RNASE11: variants seen among roughly 807,000 people sequenced by gnomAD.
RNASE11 encodes the protein putative inactive ribonuclease 11.
For missense variants in RNASE11, 252 were observed against 237.8 expected (o/e 1.06, Z -0.39); for synonymous variants, 105 against 86.1 (o/e 1.22, Z -1.21).
chr14:20,583,964 A>T (rs1884368843), exon 2 of RNASE11: 4 of 1,614,050 alleles, frequency 2.5e-6, no homozygotes, highest in African/African-American at 1.3e-5. Context: ...ACACTATGGT[A>T]TTGGCACCTG....
upstream of RNASE11, chr14:20,590,046 G>A (rs1884533213): frequency 2.6e-6 from 2 of 758,384 alleles, no homozygotes; most frequent in Admixed American, 3.2e-5. Flanking sequence ...TAGAGATAAG[G>A]GACAAAAAAT....
chr14:20,587,537 CA>C, intron 1 of RNASE11, 25 bp downstream of exon 2: 1 of 984,430 alleles, frequency 1.0e-6, no homozygotes, highest in Non-Finnish European at 1.2e-6. Context: ...CAAGGCCCAA[CA>C]AATCATGTGC....
chr14:20,590,206 C>T (rs1029345342), upstream of RNASE11: 6 of 1,569,246 alleles, frequency 3.8e-6, no homozygotes, highest in South Asian at 3.6e-5. Flanking sequence ...GTCCACGGTC[C>T]AGGTCTGCCT....
At chr14:20,587,737 A>C (rs988580839), upstream of RNASE11, 1 of 985,278 alleles carries the variant, frequency 1.0e-6, no homozygotes, top group Non-Finnish European at 1.2e-6. Context: ...AGCGTTGCCT[A>C]CTCACAAGGT....
chr14:20,589,707 A>G (rs1179416443), upstream of RNASE11, among the ~76,000 whole-genome samples: 3 of 151,918 alleles, frequency 2.0e-5, no homozygotes, highest in African/African-American at 7.3e-5. Context: ...ACCAACATGG[A>G]GAAACCTCAT....
exon 2 of RNASE11, chr14:20,583,849 A>G (rs1884364782): frequency 2.6e-6 from 4 of 1,564,272 alleles, no homozygotes; most frequent in Non-Finnish European, 3.5e-6. Context: ...CTTTAGTAAG[A>G]CCCTAGTCCT....
upstream of RNASE11, chr14:20,587,749 G>C: frequency 1.0e-6 from 1 of 985,482 alleles, no homozygotes; most frequent in Non-Finnish European, 1.2e-6. Context: ...TCACAAGGTT[G>C]CAAACTGTCC....
At chr14:20,590,238 C>A (rs1006523505), upstream of RNASE11, 1 of 1,599,960 alleles carries the variant, frequency 6.3e-7, no homozygotes, top group Non-Finnish European at 8.5e-7. Context: ...AGCTCCAATG[C>A]CATTGAGAGA....
exon 2 of RNASE11, chr14:20,583,628 T>G: frequency 2.5e-6 from 1 of 399,578 alleles, no homozygotes; most frequent in Non-Finnish European, 4.5e-6. Context: ...TTCAGTTTGT[T>G]TTACACCCTC....
Position 20,583,918 on chromosome 14 carries a change from C to T in RNASE11, c.557G>A (p.Gly186Asp), listed in dbSNP as rs759144829. 4.3e-6 allele frequency: 7 copies of T among 1,613,804 alleles called. No homozygotes were observed. In the Admixed American group the frequency reaches 1.0e-4, roughly 23 times the overall value. Reference sequence around the variant, plus strand: ...AACTAACCAGCTCATCAGAGAATGACCTGTCAGCACTGTCAATATCTTCTC... The same window carrying T: ...AACTAACCAGCTCATCAGAGAATGATCTGTCAGCACTGTCAATATCTTCTC... The change falls in exon 2 of 2, where the codon GGT (glycine) becomes GAT (aspartate). Residue 186 changes from glycine to aspartate, a missense_variant. Transcript: ENST00000553849.
chr14:20,584,331 G>T, exon 2 of RNASE11: 1 of 1,614,068 alleles, frequency 6.2e-7, no homozygotes, highest in Non-Finnish European at 8.5e-7. Flanking sequence ...ATATCTCAAT[G>T]GTCTGTTTTT....
chr14:20,584,595 A>T (rs1464344279), intron 1 of RNASE11, 99 bp from the exon 3 acceptor site: 1 of 976,072 alleles, frequency 1.0e-6, no homozygotes, highest in Non-Finnish European at 1.4e-6. Context: ...CCCTACATGT[A>T]GGTTAAAATT....
upstream of RNASE11, chr14:20,590,120 C>T (rs1198600546): frequency 2.0e-5 from 27 of 1,327,854 alleles, 1 homozygote; most frequent in South Asian, 3.4e-4. Context: ...CAGAATAAAA[C>T]AATCCCAACC....
chr14:20,584,373 C>G lies in RNASE11; in HGVS notation c.102G>C (p.Glu34Asp), dbSNP rs138048688. 1.4e-4 allele frequency: 220 copies of G among 1,614,196 alleles called. No individual in the cohort carries two copies. Among genetic ancestry groups the G allele is most frequent in the Middle Eastern group, 6.6e-4 (4 of 6,062 alleles). Residue 34 changes from glutamate (E) to aspartate (D), a missense_variant, in exon 2 of 2, where the codon GAG becomes GAC. Physicochemically the swap from Glu to Asp is conservative, Grantham distance 45. Coordinates refer to ENST00000553849, the Ensembl canonical transcript of RNASE11. ...CACTTTTTGCCATGTCATATTGCAT[C>G]TCTTCGTCTGTAAATTCTTCTTTAA...
exon 2 of RNASE11, chr14:20,584,026 C>A (rs147266123): frequency 2.5e-6 from 4 of 1,614,174 alleles, no homozygotes; most frequent in South Asian, 2.2e-5. Context: ...CAGTTCTAGG[C>A]TCTCACAGCA....
chr14:20,585,158 T>C (rs544401204), intron 1 of RNASE11: 9 of 854,586 alleles, frequency 1.1e-5, no homozygotes, highest in African/African-American at 3.7e-5. Flanking sequence ...AACAGAGGGG[T>C]AGATAGGGTT....
chr14:20,587,143 A>T (rs1884452071), intron 1 of RNASE11, among the ~76,000 whole-genome samples: 1 of 152,160 alleles, frequency 6.6e-6, no homozygotes, highest in South Asian at 2.1e-4. Context: ...ACAGAATGAG[A>T]CTCTGATCCT....
At chr14:20,589,841 C>T (rs1884528021), upstream of RNASE11, among the ~76,000 whole-genome samples, 1 of 152,072 alleles carries the variant, frequency 6.6e-6, no homozygotes, top group South Asian at 2.1e-4. Context: ...GAGCCGAGAT[C>T]GTGCCATTGC....
chr14:20,589,512 C>G (rs1475214901), upstream of RNASE11, among the ~76,000 whole-genome samples: 2 of 151,762 alleles, frequency 1.3e-5, no homozygotes, highest in African/African-American at 4.8e-5. Context: ...CTCGGCCTCC[C>G]AAAGTGGTGG....
Sources: gnomAD v4.1 joint callset for allele counts (sites outside exome capture counted in the v4.1 genomes callset) on GRCh38, gnomAD v4.1.1 for gene constraint, MANE v1.5 for transcripts, NCBI Gene and HGNC (gene_info 2026-07-23, HGNC 2026-07-21) for gene names.